Variants in NXPH1 observed in about 807,000 individuals in gnomAD.
NXPH1 encodes the protein neurexophilin-1.
NXPH1 carries 5 observed loss-of-function variants against 23.7 expected under a neutral mutation model. That is an observed-to-expected ratio of 0.21 (90% confidence interval 0.11 to 0.44). NXPH1 has a LOEUF of 0.44. Ranked by LOEUF, NXPH1 falls within the 20% of genes least tolerant of loss-of-function variation. The pLI, the probability that NXPH1 is intolerant of heterozygous loss-of-function variation, is 0.99. For missense variants in NXPH1, 324 were observed against 321.6 expected, an observed-to-expected ratio of 1.01 and a Z score of -0.06; for synonymous variants, 144 against 122.2, an observed-to-expected ratio of 1.18 and a Z score of -1.18.
chr7:8,719,350 T>C, intron 2 of NXPH1, among the ~76,000 whole-genome samples: 1 of 152,156 alleles, frequency 6.6e-6, no homozygotes, highest in East Asian at 1.9e-4. Flanking sequence ...AAAGGTGTCA[T>C]TGACATAATA....
intron 2 of NXPH1, among the ~76,000 whole-genome samples, chr7:8,702,319 T>C (rs961681194): frequency 6.6e-6 from 1 of 152,090 alleles, no homozygotes; most frequent in African/African-American, 2.4e-5. Flanking sequence ...CCCATAAATA[T>C]GTACAATGAT....
At chr7:8,472,503 G>T (rs1471538565) in intron 2 of NXPH1, among the ~76,000 whole-genome samples, 1 of 152,120 alleles carries the variant, frequency 6.6e-6, no homozygotes, top group African/African-American at 2.4e-5. Context: ...CCTGTGTGAG[G>T]CTATGGCTGT....
intron 2 of NXPH1, among the ~76,000 whole-genome samples, chr7:8,578,451 C>T (rs377440285): frequency 2.0e-5 from 3 of 152,268 alleles, no homozygotes; most frequent in Admixed American, 6.5e-5. Context: ...AGTTACAATT[C>T]GAGCTTTTCA....
chr7:8,689,487 G>A (rs1821195208), intron 2 of NXPH1, among the ~76,000 whole-genome samples: 1 of 152,118 alleles, frequency 6.6e-6, no homozygotes, highest in Admixed American at 6.6e-5. Context: ...GGGGATCCTC[G>A]CTATGCATAG....
In NXPH1 at chr7:8,614,177, T is replaced by C. The variant is rs540974027; in HGVS notation, c.55-136831T>C. ...CATAATTTATTGACTCGTCTCCCTT[T>C]GTTAGATAGATTATATCTTTGTTGT... On this transcript the variant is annotated intron_variant, in intron 2 of 2. Coordinates refer to ENST00000405863, the MANE Select transcript of NXPH1 (RefSeq NM_152745.3). 2.6e-5 allele frequency among the ~76,000 whole-genome samples: 4 copies of C among 152,066 alleles called. No individual in the cohort carries two copies. In the East Asian group the frequency reaches 5.8e-4, roughly 22 times the overall value.
intron 2 of NXPH1, among the ~76,000 whole-genome samples, chr7:8,493,404 A>G (rs77352106): frequency 0.045 from 6,882 of 152,138 alleles, 215 homozygotes; most frequent in Non-Finnish European, 0.071. Context: ...TAATTGGTAT[A>G]TCAGACTGCC....
chr7:8,489,512 G>T (rs1185255943), intron 2 of NXPH1, among the ~76,000 whole-genome samples: 1 of 152,048 alleles, frequency 6.6e-6, no homozygotes, highest in Non-Finnish European at 1.5e-5. Flanking sequence ...TCTGACTGGG[G>T]CTAATGGTTG....
chr7:8,732,245 A>G (rs1258744426), intron 2 of NXPH1, among the ~76,000 whole-genome samples: 1 of 151,982 alleles, frequency 6.6e-6, no homozygotes, highest in Non-Finnish European at 1.5e-5. Context: ...AGTGTCTGGC[A>G]CTCCCTAGTG....
In NXPH1 at chr7:8,435,524, A is replaced by G; in HGVS notation, c.-110-80A>G. The stretch of plus-strand genomic sequence containing the variant: ...TTTTTTTGGTCCCCCACTCCCCGCT[A>G]CGACCCCCTTTCCCCGCTTGATTGT... On this transcript the variant is annotated intron_variant, in intron 1 of 2. Coordinates refer to ENST00000405863, the MANE Select transcript of NXPH1 (RefSeq NM_152745.3). This position sits in a 1 kb window ranked among gnomAD's most constrained non-coding sequence, Gnocchi z 5.9. The G allele has an allele frequency of 3.7e-6, 2 of 544,678 alleles. No homozygotes were observed. Among genetic ancestry groups the G allele is most frequent in the Non-Finnish European group, 6.6e-6 (2 of 303,148 alleles). The allele number at this position is 544,678 out of a possible 1,614,324, so 33.7% of individuals were successfully genotyped here.
chr7:8,534,191 T>C (rs1297560440), intron 2 of NXPH1, among the ~76,000 whole-genome samples: 1 of 152,076 alleles, frequency 6.6e-6, no homozygotes, highest in Non-Finnish European at 1.5e-5. Flanking sequence ...TTGACATAGT[T>C]AGAGGTCGCT....
At position 8,707,675 on chromosome 7, in the gene NXPH1, T is replaced by C. The variant is rs141320022; in HGVS notation, c.55-43333T>C. ...AATGATAGTAAAGCAGTAAGACATA[T>C]GAGAGATGAGCATTGGTCTAATATT... is the stretch of plus-strand genomic sequence containing the variant. On this transcript the variant is annotated intron_variant, in intron 2 of 2. Transcript: ENST00000405863. 3.3e-4 allele frequency among the ~76,000 whole-genome samples: 51 copies of C among 152,240 alleles called. 1 individual carries two copies. The highest frequency in any genetic ancestry group is 8.7e-4 in the African/African-American group (36 of 41,534).
At chr7:8,461,203 G>A (rs1414019623) in intron 2 of NXPH1, among the ~76,000 whole-genome samples, 2 of 152,182 alleles carry the variant, frequency 1.3e-5, no homozygotes, top group African/African-American at 2.4e-5. Context: ...TAATTGTTCA[G>A]TTTTCAATTC....
At chr7:8,559,462 C>T (rs1177491360) in intron 2 of NXPH1, among the ~76,000 whole-genome samples, 1 of 151,670 alleles carries the variant, frequency 6.6e-6, no homozygotes, top group Non-Finnish European at 1.5e-5. Context: ...TATTTGGATG[C>T]CCAAATTTAA....
intron 2 of NXPH1, among the ~76,000 whole-genome samples, chr7:8,508,907 A>G (rs1322427881): frequency 1.3e-5 from 2 of 152,070 alleles, no homozygotes; most frequent in East Asian, 1.9e-4. Context: ...AGGCGGGCAC[A>G]TTAGAGGAAA....
chr7:8,723,437 C>G (rs1362430566), intron 2 of NXPH1, among the ~76,000 whole-genome samples: 2 of 152,172 alleles, frequency 1.3e-5, no homozygotes, highest in African/African-American at 4.8e-5. Context: ...TAATGTTTGT[C>G]AAGCCCCCCA....
intron 2 of NXPH1, among the ~76,000 whole-genome samples, chr7:8,712,227 C>G (rs1381109779): frequency 2.0e-5 from 3 of 152,088 alleles, no homozygotes; most frequent in African/African-American, 7.2e-5. Flanking sequence ...TGTTTAATTT[C>G]AGGATCAGTT....
intron 2 of NXPH1, among the ~76,000 whole-genome samples, chr7:8,533,050 G>C (rs1817972858): frequency 6.6e-6 from 1 of 151,986 alleles, no homozygotes; most frequent in South Asian, 2.1e-4. Flanking sequence ...ATCTTAGGTT[G>C]GTACTGCTAT....
chr7:8,554,956 G>C (rs1177954236), intron 2 of NXPH1, among the ~76,000 whole-genome samples: 2 of 151,678 alleles, frequency 1.3e-5, no homozygotes, highest in Non-Finnish European at 3.0e-5. Flanking sequence ...AATCACAGGG[G>C]TGTTAAATCC....
chr7:8,728,193 C>G (rs899102055), intron 2 of NXPH1, among the ~76,000 whole-genome samples: 4 of 152,060 alleles, frequency 2.6e-5, no homozygotes, highest in Admixed American at 2.6e-4. Context: ...GATTTTGTAT[C>G]CTGAGACTTT....
Sources: allele counts gnomAD v4.1 joint callset (sites outside exome capture counted in the v4.1 genomes callset), GRCh38; gene constraint gnomAD v4.1.1; non-coding constraint Gnocchi (gnomAD v3.1); transcripts MANE v1.5; gene names NCBI Gene and HGNC (gene_info 2026-07-23, HGNC 2026-07-21).